The following CDH12 variants were observed in gnomAD, a reference collection of about 807,000 sequenced individuals.
The protein encoded by CDH12 is cadherin-12.
CDH12 carries 41 observed loss-of-function variants against 74.1 expected under a neutral mutation model. The observed-to-expected ratio is 0.55, with a 90% CI of 0.43 to 0.72. The LOEUF (loss-of-function observed/expected upper bound fraction) is 0.72. Ranked by LOEUF, CDH12 falls within the 30% of genes least tolerant of loss-of-function variation. The probability of loss-of-function intolerance (pLI) is 0.00; values close to 1 mark genes in which losing one functional copy is unlikely to be tolerated. For missense variants in CDH12, 945 were observed against 977.2 expected (o/e 0.97, Z 0.44); for synonymous variants, 399 against 355.0 (o/e 1.12, Z -1.39).
chr5:22,635,690 C>A (rs142154675), intron 1 of CDH12, among the ~76,000 whole-genome samples: 1 of 152,096 alleles, frequency 6.6e-6, no homozygotes, highest in Non-Finnish European at 1.5e-5. Flanking sequence ...CTGAGGCAGG[C>A]GGATCACGAG....
intron 3 of CDH12, among the ~76,000 whole-genome samples, chr5:22,382,974 G>A (rs986893019): frequency 2.6e-5 from 4 of 152,040 alleles, no homozygotes; most frequent in African/African-American, 9.7e-5. Flanking sequence ...GGGATTTCTG[G>A]AGCGCGCCGC....
At chr5:21,812,779 CTGAGT>C (rs376118908) in intron 9 of CDH12, among the ~76,000 whole-genome samples, 1 of 152,140 alleles carries the variant, frequency 6.6e-6, no homozygotes, top group African/African-American at 2.4e-5. Flanking sequence ...AAATGTCCTC[CTGAGT>C]TATTTTTTAA....
At chr5:22,085,617 G>A (rs995215171) in intron 4 of CDH12, among the ~76,000 whole-genome samples, 4 of 151,848 alleles carry the variant, frequency 2.6e-5, no homozygotes, top group East Asian at 1.9e-4. Context: ...CTTGTGAATA[G>A]GTGGCCCTTT....
chr5:22,052,238 A>G (rs1740423813), intron 5 of CDH12, among the ~76,000 whole-genome samples: 1 of 152,134 alleles, frequency 6.6e-6, no homozygotes. Context: ...TCTTGTTTCA[A>G]GTATAGGCCT....
At chr5:22,318,003 T>G (rs1738705074) in intron 3 of CDH12, among the ~76,000 whole-genome samples, 1 of 152,190 alleles carries the variant, frequency 6.6e-6, no homozygotes, top group African/African-American at 2.4e-5. Flanking sequence ...CCTCACAAGT[T>G]TTTCTTTCTT....
chr5:22,768,545 T>G (rs538587424), intron 1 of CDH12, among the ~76,000 whole-genome samples: 1 of 152,216 alleles, frequency 6.6e-6, no homozygotes. Flanking sequence ...AAAGTTTTGT[T>G]TTATGAAAAA....
chr5:22,691,248 T>C (rs1742068636), intron 1 of CDH12, among the ~76,000 whole-genome samples: 1 of 152,216 alleles, frequency 6.6e-6, no homozygotes, highest in Non-Finnish European at 1.5e-5. Context: ...CCTTATTTTT[T>C]ACATTCCTTA....
chr5:21,790,039 A>G (rs550405032), intron 10 of CDH12, among the ~76,000 whole-genome samples: 33 of 152,178 alleles, frequency 2.2e-4, no homozygotes, highest in Admixed American at 1.2e-3. Flanking sequence ...GGGACAATCA[A>G]TTATTTCTGA....
At chr5:22,644,423 A>G (rs1739326736) in intron 1 of CDH12, among the ~76,000 whole-genome samples, 1 of 152,134 alleles carries the variant, frequency 6.6e-6, no homozygotes. Context: ...CATTCTCTTA[A>G]GCCAAAGTTT....
intron 1 of CDH12, among the ~76,000 whole-genome samples, chr5:22,679,942 G>A (rs974594488): frequency 4.6e-5 from 7 of 152,092 alleles, no homozygotes; most frequent in Non-Finnish European, 8.8e-5. Flanking sequence ...TCACATGTCT[G>A]TACACGTTCT....
At chr5:22,410,883 C>A (rs1392242048) in intron 2 of CDH12, among the ~76,000 whole-genome samples, 6 of 151,962 alleles carry the variant, frequency 3.9e-5, no homozygotes, top group Admixed American at 2.6e-4. Flanking sequence ...CCAATGAAGG[C>A]TGGGGGAAGG....
Position 22,100,652 on chromosome 5 carries a change from GACACACAC to G in CDH12, c.-186-21798_-186-21791del, listed in dbSNP as rs150777646. ...TTTATCTACTATATGCCATACATTA[GACACACAC>G]ACACACACACACACACACACACACA... On this transcript the variant is annotated intron_variant, in intron 4 of 14. Coordinates refer to ENST00000382254, the MANE Select transcript of CDH12 (RefSeq NM_004061.5). Among the ~76,000 whole-genome samples the G allele has an allele frequency of 2.6e-4, 37 of 144,344 alleles. 1 individual carries two copies. In the East Asian group the frequency reaches 5.6e-3, roughly 22 times the overall value. 94.7% of individuals were successfully genotyped at this position (144,344 alleles called of 152,430 possible).
chr5:22,564,282 T>C (rs1228710336), intron 1 of CDH12, among the ~76,000 whole-genome samples: 1 of 152,196 alleles, frequency 6.6e-6, no homozygotes, highest in Non-Finnish European at 1.5e-5. Context: ...CTAACTTGGC[T>C]GGACATGTAC....
intron 3 of CDH12, among the ~76,000 whole-genome samples, chr5:22,226,458 T>A (rs1201946645): frequency 6.6e-6 from 1 of 151,236 alleles, no homozygotes; most frequent in Non-Finnish European, 1.5e-5. Context: ...AACCAGAAAG[T>A]AACCTGGTAC....
intron 1 of CDH12, among the ~76,000 whole-genome samples, chr5:22,589,125 G>A (rs1486510721): frequency 6.6e-6 from 1 of 152,114 alleles, no homozygotes; most frequent in East Asian, 1.9e-4. Flanking sequence ...TTGATTGCCT[G>A]ATGGAATGTC....
chr5:22,171,474 T>G (rs570482034), intron 4 of CDH12, among the ~76,000 whole-genome samples: 1 of 152,066 alleles, frequency 6.6e-6, no homozygotes, highest in Non-Finnish European at 1.5e-5. Context: ...ATACATTCTT[T>G]GGCATACATT....
At chr5:22,660,759 T>C (rs1740306044) in intron 1 of CDH12, among the ~76,000 whole-genome samples, 1 of 152,212 alleles carries the variant, frequency 6.6e-6, no homozygotes, top group African/African-American at 2.4e-5. Context: ...TATTTTGTGC[T>C]TCATTTACTC....
In CDH12 at chr5:22,280,642, C is replaced by T. The variant is rs111856249; in HGVS notation, c.-332-67999G>A. Among the ~76,000 whole-genome samples, 15 of 152,180 alleles carry T rather than the reference C, an allele frequency of 9.9e-5. 1 individual carries two copies. Among genetic ancestry groups the T allele is most frequent in the South Asian group, 2.1e-4 (1 of 4,820 alleles). ...ATCTAGGAGAAATTGATAAATTCCT[C>T]GACACATACACCCTCCCAAGACTAA... On this transcript the variant is annotated intron_variant, in intron 3 of 14. Transcript: ENST00000382254.
At chr5:22,185,000 C>A (rs1334818070) in intron 4 of CDH12, among the ~76,000 whole-genome samples, 2 of 152,096 alleles carry the variant, frequency 1.3e-5, no homozygotes, top group African/African-American at 4.8e-5. Flanking sequence ...CCCCTCCCCT[C>A]TCCCACCCTA....
Sources: allele counts gnomAD v4.1 joint callset (sites outside exome capture counted in the v4.1 genomes callset), GRCh38; gene constraint gnomAD v4.1.1; transcripts MANE v1.5; gene names NCBI Gene and HGNC (gene_info 2026-07-23, HGNC 2026-07-21).